The following SRPK2 variants were observed in gnomAD, a reference collection of about 807,000 sequenced individuals.
The protein encoded by SRPK2 is SFRS protein kinase 2.
SRPK2 carries 21 observed loss-of-function variants against 90.8 expected under a neutral mutation model. That is an observed-to-expected ratio of 0.23 (90% CI 0.16 to 0.33). SRPK2 has a LOEUF of 0.33. Among genes scored for constraint, SRPK2 ranks in the 10% least tolerant of loss-of-function variants. The pLI is 1.00. For missense variants in SRPK2, 620 were observed against 869.0 expected, an observed-to-expected ratio of 0.71 and a Z score of 3.60; for synonymous variants, 288 against 311.1, an observed-to-expected ratio of 0.93 and a Z score of 0.78.
intron 2 of SRPK2, among the ~76,000 whole-genome samples, chr7:105,260,410 T>C (rs1203836353): frequency 3.3e-5 from 5 of 152,060 alleles, no homozygotes; most frequent in East Asian, 3.9e-4. Context: ...TGTGGAGAAA[T>C]AGGAAGGCTT....
chr7:105,347,382 C>T (rs984774776), intron 2 of SRPK2, among the ~76,000 whole-genome samples: 1 of 151,526 alleles, frequency 6.6e-6, no homozygotes, highest in African/African-American at 2.4e-5. Context: ...TTTGTAGAGA[C>T]AGGTCTCACT....
chr7:105,399,143 T>C (rs910135675), intron 1 of SRPK2: 5 of 152,222 alleles, frequency 3.3e-5, no homozygotes, highest in African/African-American at 1.2e-4. Flanking sequence ...AAAATAAACA[T>C]TTCATAACTC....
chr7:105,297,307 A>T (rs1809952725), intron 2 of SRPK2: 1 of 239,868 alleles, frequency 4.2e-6, no homozygotes. Context: ...AATACACTGA[A>T]TGAAGTGACA....
At chr7:105,333,998 C>G (rs28681356) in intron 2 of SRPK2, among the ~76,000 whole-genome samples, 2,590 of 152,310 alleles carry the variant, frequency 0.017, 84 homozygotes, top group African/African-American at 0.059. Flanking sequence ...TCTCAGCTCA[C>G]TGCAACCTCC....
chr7:105,212,326 G>A (rs184452198), intron 2 of SRPK2, among the ~76,000 whole-genome samples: 30 of 152,304 alleles, frequency 2.0e-4, no homozygotes, highest in Middle Eastern at 3.4e-3. Context: ...CTAGTGAGGA[G>A]GGGAAAGTGC....
Position 105,206,078 on chromosome 7 carries a change from T to G in SRPK2, c.72-2293A>C, listed in dbSNP as rs1277088229. On this transcript the variant is annotated intron_variant, in intron 2 of 15. Transcript: ENST00000393651. ...ATAATTCATTGCTGTGGGGCTGTCG[T>G]GTGCACTGTGGGATGCTTTTCACCA... 9.9e-6 allele frequency: 5 copies of G among 505,026 alleles called. No individual in the cohort carries two copies. The East Asian group carries it at 2.7e-4, about 28-fold the overall frequency. 31.3% of individuals were successfully genotyped at this position (505,026 alleles called of 1,614,324 possible).
In SRPK2 at chr7:105,132,874, G is replaced by C; in HGVS notation, c.1669C>G (p.Gln557Glu). 1 of 1,612,184 alleles carries C rather than the reference G, an allele frequency of 6.2e-7. No homozygotes were observed. Among genetic ancestry groups the C allele is most frequent in the South Asian group, 1.1e-5 (1 of 90,856 alleles). ...TCTATGGAGCGGTACTGACGCGTCT[G>C]GATGTCTTCCGTGAAGTGTTTATGC... ...WVHKHFTEDI[Q>E]TRQYRSIEVL... The change falls in exon 13 of 16, where the codon CAG (glutamine) becomes GAG (glutamate). Residue 557 changes from glutamine to glutamate, a missense_variant. Gln to Glu is a conservative substitution (Grantham distance 29). This residue lies in a region of SRPK2 where 20 missense variants were observed against 54.3 expected (regional missense o/e 0.37). Coordinates refer to ENST00000393651, the MANE Select transcript of SRPK2 (RefSeq NM_182692.3).
rs535524497 is a variant in SRPK2 at position 105,119,084 on chromosome 7, C to G, written c.1916-1062G>C. Among the ~76,000 whole-genome samples the G allele has an allele frequency of 2.0e-5, 3 of 151,926 alleles. No homozygotes were observed. The East Asian group carries it at 5.8e-4, about 30-fold the overall frequency. On this transcript the variant is annotated intron_variant, in intron 15 of 15. Coordinates refer to ENST00000393651, the MANE Select transcript of SRPK2 (RefSeq NM_182692.3). Reference sequence around the variant, plus strand: ...TGAGCAGCTTCTGCAGAGGAAACACCCCCCTGTGCCCACACCTCAGAGCAG... The same window carrying G: ...TGAGCAGCTTCTGCAGAGGAAACACGCCCCTGTGCCCACACCTCAGAGCAG...
At chr7:105,258,788 C>A (rs1287614160) in intron 2 of SRPK2, among the ~76,000 whole-genome samples, 83 of 152,198 alleles carry the variant, frequency 5.5e-4, no homozygotes, top group Non-Finnish European at 1.5e-5. Flanking sequence ...ACAAAAACCA[C>A]ATGATTATCT....
chr7:105,205,513 TCTCTCACACACACACACACA>T (rs1459607940), intron 2 of SRPK2, among the ~76,000 whole-genome samples: 48 of 61,202 alleles, frequency 7.8e-4, no homozygotes, highest in African/African-American at 3.2e-3. Context: ...TCTCTCTCTC[TCTCTCACACACACACACACA>T]CACACACACA....
intron 13 of SRPK2, among the ~76,000 whole-genome samples, chr7:105,127,946 G>T (rs1208531476): frequency 4.6e-5 from 7 of 152,340 alleles, no homozygotes. Context: ...ACTGATGCCT[G>T]TGGATCTGTG....
intron 2 of SRPK2, among the ~76,000 whole-genome samples, chr7:105,327,066 T>C (rs1585721141): frequency 3.9e-5 from 2 of 51,618 alleles, no homozygotes; most frequent in Admixed American, 2.3e-4. Context: ...AAACTCCGTA[T>C]CAAAAAAAAA....
intron 6 of SRPK2, among the ~76,000 whole-genome samples, chr7:105,161,567 C>A (rs926729917): frequency 2.0e-5 from 3 of 152,076 alleles, no homozygotes; most frequent in Admixed American, 1.3e-4. Context: ...CAAGCCTACA[C>A]TGAGCTGCAC....
chr7:105,125,604 T>C (rs1286185987), intron 15 of SRPK2, among the ~76,000 whole-genome samples: 1 of 152,228 alleles, frequency 6.6e-6, no homozygotes, highest in Non-Finnish European at 1.5e-5. Context: ...GGCTGTTCTC[T>C]TACAAAATTC....
At chr7:105,206,058 T>C (rs1796199707) in intron 2 of SRPK2, 5 of 516,214 alleles carry the variant, frequency 9.7e-6, no homozygotes, top group Middle Eastern at 3.2e-4. Flanking sequence ...ACTGGATAAT[T>C]CATTGCTGTG....
chr7:105,324,012 T>TGTGTGTGG, intron 2 of SRPK2, among the ~76,000 whole-genome samples: 1 of 142,850 alleles, frequency 7.0e-6, no homozygotes, highest in East Asian at 2.3e-4. Context: ...TGTGTGTGTG[T>TGTGTGTGG]GTGTGGTGGA....
chr7:105,293,863 C>T (rs1459330898), intron 2 of SRPK2, among the ~76,000 whole-genome samples: 1 of 152,198 alleles, frequency 6.6e-6, no homozygotes, highest in Non-Finnish European at 1.5e-5. Context: ...ATCTACAATG[C>T]TATCCCCATT....
chr7:105,396,483 A>C (rs1822325059), intron 1 of SRPK2, among the ~76,000 whole-genome samples: 1 of 151,416 alleles, frequency 6.6e-6, no homozygotes, highest in East Asian at 2.0e-4. Flanking sequence ...TATAAATACA[A>C]AGCTGGGCGT....
chr7:105,277,196 C>T (rs993072928), intron 2 of SRPK2, among the ~76,000 whole-genome samples: 1 of 152,126 alleles, frequency 6.6e-6, no homozygotes, highest in East Asian at 1.9e-4. Context: ...CCTGTCTCAG[C>T]CTCCCGAGTA....
Sources: allele counts gnomAD v4.1 joint callset (sites outside exome capture counted in the v4.1 genomes callset), GRCh38; gene constraint gnomAD v4.1.1; regional missense constraint gnomAD v4.1.1; transcripts MANE v1.5; gene names NCBI Gene and HGNC (gene_info 2026-07-23, HGNC 2026-07-21).